Variants in ZNF354C observed in about 807,000 individuals in gnomAD.
The protein encoded by ZNF354C is KRAB-zinc finger protein synten.
In ZNF354C, 7 loss-of-function variants were observed where a neutral mutation model predicts 12.4. That is an observed-to-expected ratio of 0.56 (90% CI 0.32 to 1.06). The LOEUF (loss-of-function observed/expected upper bound fraction) is 1.06. Ranked by LOEUF, ZNF354C falls within the 50% of genes least tolerant of loss-of-function variation. ZNF354C has a pLI of 0.04. For synonymous variants in ZNF354C, 202 were observed against 224.5 expected (o/e 0.90, Z 0.90); for missense variants, 609 against 658.0 (o/e 0.93, Z 0.81).
At chr5:179,064,425 T>C (rs976659530) in intron 2 of ZNF354C, among the ~76,000 whole-genome samples, 16 of 145,108 alleles carry the variant, frequency 1.1e-4, no homozygotes, top group African/African-American at 2.8e-4. Context: ...GTAACCCCCC[T>C]TTTTTTTTGG....
chr5:179,082,876 C>T lies in ZNF354C; in HGVS notation c.*2779C>T. The T allele has an allele frequency of 9.2e-7, 1 of 1,086,860 alleles. No individual in the cohort carries two copies. Among genetic ancestry groups the T allele is most frequent in the South Asian group, 1.3e-5 (1 of 79,326 alleles). The allele number at this position is 1,086,860 out of a possible 1,614,324, so 67.3% of individuals were successfully genotyped here. A position where few individuals can be genotyped will look rare whatever the true frequency, so the allele number is the denominator to read the frequency against. On this transcript the variant is annotated 3_prime_UTR_variant, in exon 5 of 5. Transcript: ENST00000315475. ...TCACAGACTCGCCAAACATTCCAGG[C>T]ACTGCACTTGCCAGTGCGCTGATGA...
chr5:179,080,626 A>G lies in ZNF354C; in HGVS notation c.*529A>G, dbSNP rs555638960. 1.3e-5 allele frequency: 2 copies of G among 152,466 alleles called. No individual in the cohort carries two copies. The highest frequency in any genetic ancestry group is 2.1e-4 in the South Asian group (1 of 4,830). 9.4% of individuals were successfully genotyped at this position (152,466 alleles called of 1,614,324 possible). On this transcript the variant is annotated 3_prime_UTR_variant, in exon 5 of 5. Coordinates refer to ENST00000315475, the MANE Select transcript of ZNF354C (RefSeq NM_014594.3). ...GAGCTGTCCCACCAGCAACTTATATATGTAAACATACATATATACACATAT... is the reference window on the plus strand; with the variant it reads ...GAGCTGTCCCACCAGCAACTTATATGTGTAAACATACATATATACACATAT...
At chr5:179,066,361 G>A (rs1444331548) in intron 2 of ZNF354C, among the ~76,000 whole-genome samples, 1 of 152,210 alleles carries the variant, frequency 6.6e-6, no homozygotes, top group Non-Finnish European at 1.5e-5. Flanking sequence ...CCAATACACT[G>A]TTACTATTAT....
intron 1 of ZNF354C, among the ~76,000 whole-genome samples, chr5:179,061,720 G>A (rs973436335): frequency 6.6e-6 from 1 of 152,086 alleles, no homozygotes; most frequent in Non-Finnish European, 1.5e-5. Flanking sequence ...TATTCATTGC[G>A]ACTTTTAGGT....
chr5:179,069,820 T>A (rs556154881), intron 2 of ZNF354C, among the ~76,000 whole-genome samples: 2 of 150,274 alleles, frequency 1.3e-5, no homozygotes, highest in African/African-American at 4.9e-5. Flanking sequence ...GAGCCGAGAT[T>A]GCGCCCCTGC....
At chr5:179,070,264 TC>T in intron 2 of ZNF354C, among the ~76,000 whole-genome samples, 1 of 152,180 alleles carries the variant, frequency 6.6e-6, no homozygotes, top group Middle Eastern at 3.4e-3. Flanking sequence ...CTGAGACCAT[TC>T]CCCCAACCCT....
Position 179,083,849 on chromosome 5 carries a change from G to A in ZNF354C, c.*3752G>A, listed in dbSNP as rs755321294. ...TCCTGTGGTGAGGACAGAGATGGCT[G>A]AGCAGGCATCTAAACCTCAGAGTTA... is the stretch of plus-strand genomic sequence containing the variant. On this transcript the variant is annotated 3_prime_UTR_variant, in exon 5 of 5. Coordinates refer to ENST00000315475, the MANE Select transcript of ZNF354C (RefSeq NM_014594.3). Among the ~76,000 whole-genome samples, 1 of 152,182 alleles carries A rather than the reference G, an allele frequency of 6.6e-6. No individual in the cohort carries two copies. The highest frequency in any genetic ancestry group is 6.5e-5 in the Admixed American group (1 of 15,288).
intron 3 of ZNF354C, 121 bp from the exon 4 acceptor site, chr5:179,076,950 G>T (rs1762131675): frequency 1.2e-6 from 1 of 836,932 alleles, no homozygotes; most frequent in Admixed American, 2.0e-5. Context: ...TGCTTGTGCT[G>T]CCTTGTCTGC....
intron 2 of ZNF354C, among the ~76,000 whole-genome samples, chr5:179,073,599 C>CTAT (rs1308794470): frequency 6.6e-6 from 1 of 151,914 alleles, no homozygotes; most frequent in African/African-American, 2.4e-5. Context: ...TCTTGGTGGT[C>CTAT]TATTTTTTTG....
At position 179,080,385 on chromosome 5, in the gene ZNF354C, TTC is replaced by T. The variant is rs1320235026; in HGVS notation, c.*293_*294del. On this transcript the variant is annotated 3_prime_UTR_variant, in exon 5 of 5. Coordinates refer to ENST00000315475, the MANE Select transcript of ZNF354C (RefSeq NM_014594.3). ...AAAAATAGTTGAATATACATTTTGT[TTC>T]TCTCATAAGACCATATTCCCTTTAA... 5.2e-6 allele frequency: 1 copy of T among 191,474 alleles called. No individual in the cohort carries two copies. Among genetic ancestry groups the T allele is most frequent in the South Asian group, 1.5e-4 (1 of 6,770 alleles). The allele number at this position is 191,474 out of a possible 1,614,324, so 11.9% of individuals were successfully genotyped here.
At chr5:179,068,290 G>A (rs1032483461) in intron 2 of ZNF354C, among the ~76,000 whole-genome samples, 4 of 152,198 alleles carry the variant, frequency 2.6e-5, no homozygotes, top group African/African-American at 9.7e-5. Context: ...CCTGTAGAAT[G>A]GGGCCGCTAA....
rs1204544695 is a variant in ZNF354C at position 179,062,067 on chromosome 5, G to A, written c.-2G>A. 6.2e-7 allele frequency: 1 copy of A among 1,614,038 alleles called. No individual in the cohort carries two copies. Among genetic ancestry groups the A allele is most frequent in the Non-Finnish European group, 8.5e-7 (1 of 1,180,026 alleles). On this transcript the variant is annotated 5_prime_UTR_variant, in exon 2 of 5. Transcript: ENST00000315475. ...CTGGGCAGGAAGACTGAGGAGGAAG[G>A]GATGGCTGTGGATCTGCTGTCTGCT...
chr5:179,064,065 G>A (rs74436948), intron 2 of ZNF354C, among the ~76,000 whole-genome samples: 2,077 of 152,326 alleles, frequency 0.014, 58 homozygotes, highest in African/African-American at 0.047. Flanking sequence ...CTGCCCAAAG[G>A]TAGGGTTGTT....
chr5:179,074,291 C>CTTT (rs34702354), intron 2 of ZNF354C, among the ~76,000 whole-genome samples: 5 of 139,416 alleles, frequency 3.6e-5, no homozygotes, highest in African/African-American at 2.7e-5. Context: ...AATTTTTGTA[C>CTTT]TTTTTTTTTT....
At chr5:179,072,399 G>A (rs1762063448) in intron 2 of ZNF354C, among the ~76,000 whole-genome samples, 1 of 151,882 alleles carries the variant, frequency 6.6e-6, no homozygotes, top group Admixed American at 6.6e-5. Context: ...CTGAAAAACA[G>A]GGAGAAAAAA....
Position 179,083,015 on chromosome 5 carries a change from A to G in ZNF354C, c.*2918A>G, listed in dbSNP as rs1762249998. 1 of 768,778 alleles carries G rather than the reference A, an allele frequency of 1.3e-6. No individual in the cohort carries two copies. The allele number at this position is 768,778 out of a possible 1,614,324, so 47.6% of individuals were successfully genotyped here. ...CCCCTACTTCATAGTTAATGAAGCC[A>G]AACTGATCTTGCACACATTCCACTG... is the stretch of plus-strand genomic sequence containing the variant. On this transcript the variant is annotated 3_prime_UTR_variant, in exon 5 of 5. Transcript: ENST00000315475.
At chr5:179,076,922 T>C (rs1762131317) in intron 3 of ZNF354C, 149 bp from the exon 4 acceptor site, 2 of 710,172 alleles carry the variant, frequency 2.8e-6, no homozygotes, top group Admixed American at 2.2e-5. Context: ...CATTGACAGC[T>C]CCAGTGCCCC....
At chr5:179,062,841 T>C (rs1761912589) in intron 2 of ZNF354C, among the ~76,000 whole-genome samples, 1 of 152,236 alleles carries the variant, frequency 6.6e-6, no homozygotes, top group African/African-American at 2.4e-5. Flanking sequence ...TCTCTGCTAG[T>C]TTAGCCTCTC....
chr5:179,071,089 G>A (rs1400170679), intron 2 of ZNF354C, among the ~76,000 whole-genome samples: 4 of 151,768 alleles, frequency 2.6e-5, no homozygotes, highest in Non-Finnish European at 5.9e-5. Flanking sequence ...CTGACCTCGT[G>A]ATCTGCCTGC....
Sources: gnomAD v4.1 joint callset for allele counts (sites outside exome capture counted in the v4.1 genomes callset) on GRCh38, gnomAD v4.1.1 for gene constraint, MANE v1.5 for transcripts, NCBI Gene and HGNC (gene_info 2026-07-23, HGNC 2026-07-21) for gene names.